Variants in MTA3 observed in about 807,000 individuals in gnomAD.
The protein encoded by MTA3 is metastasis associated 1 family member 3, also known as metastasis-associated protein MTA3.
A neutral mutation model predicts 83.5 loss-of-function variants in MTA3; 34 were observed. That is an observed-to-expected ratio of 0.41 (90% CI 0.31 to 0.54). MTA3 has a LOEUF of 0.54. Among genes scored for constraint, MTA3 ranks in the 20% least tolerant of loss-of-function variants. The pLI, the probability that MTA3 is intolerant of heterozygous loss-of-function variation, is 0.33. For synonymous variants in MTA3, 303 were observed against 252.7 expected (o/e 1.20, Z -1.89); for missense variants, 761 against 726.4 (o/e 1.05, Z -0.55).
chr2:42,600,041 A>AG (rs1682365236), intron 3 of MTA3, among the ~76,000 whole-genome samples: 2 of 10,050 alleles, frequency 2.0e-4, no homozygotes, highest in Non-Finnish European at 3.4e-4. Flanking sequence ...CTAAAAATAC[A>AG]AAAAAAATTA....
chr2:42,738,375 T>A (rs1401514612), intron 16 of MTA3, among the ~76,000 whole-genome samples: 1 of 152,244 alleles, frequency 6.6e-6, no homozygotes, highest in Non-Finnish European at 1.5e-5. Context: ...TTCTTATGCC[T>A]GTCTTTACTG....
At chr2:42,747,812 C>G (rs1453771536) in intron 16 of MTA3, among the ~76,000 whole-genome samples, 2 of 151,756 alleles carry the variant, frequency 1.3e-5, no homozygotes, top group East Asian at 3.9e-4. Flanking sequence ...ATTTGGTAAA[C>G]TATATATTAT....
At chr2:42,549,220 A>G (rs1676954987) in intron 2 of MTA3, among the ~76,000 whole-genome samples, 1 of 135,342 alleles carries the variant, frequency 7.4e-6, no homozygotes, top group South Asian at 2.1e-4. Context: ...TTATATTTGT[A>G]TATATTATAT....
At chr2:42,581,020 C>G (rs890126659) in intron 3 of MTA3, among the ~76,000 whole-genome samples, 3 of 152,174 alleles carry the variant, frequency 2.0e-5, no homozygotes, top group Admixed American at 6.5e-5. Context: ...TCGTTGCCCA[C>G]TGTGTCATCC....
chr2:42,547,575 C>T (rs1676813600), intron 2 of MTA3, among the ~76,000 whole-genome samples: 1 of 152,250 alleles, frequency 6.6e-6, no homozygotes, highest in East Asian at 1.9e-4. Context: ...AAGTGATCCG[C>T]CCGCCAAGGC....
intron 16 of MTA3, among the ~76,000 whole-genome samples, chr2:42,742,012 T>G (rs572184597): frequency 6.6e-6 from 1 of 152,196 alleles, no homozygotes; most frequent in Non-Finnish European, 1.5e-5. Flanking sequence ...AACTACATAT[T>G]CCTGCACATG....
At chr2:42,522,283 A>T (rs569838252) in intron 2 of MTA3, among the ~76,000 whole-genome samples, 1 of 152,136 alleles carries the variant, frequency 6.6e-6, no homozygotes, top group African/African-American at 2.4e-5. Context: ...AATGTGAGCT[A>T]TCTGTGTCTA....
intron 2 of MTA3, among the ~76,000 whole-genome samples, chr2:42,549,328 T>C (rs1395446535): frequency 7.9e-6 from 1 of 126,112 alleles, no homozygotes; most frequent in Non-Finnish European, 1.6e-5. Context: ...ATATATTATA[T>C]ACGTATACGT....
intron 4 of MTA3, among the ~76,000 whole-genome samples, chr2:42,613,131 C>T (rs557381948): frequency 6.6e-6 from 1 of 152,246 alleles, no homozygotes. Context: ...CAAGACACTT[C>T]TTTGTTGAAC....
intron 2 of MTA3, among the ~76,000 whole-genome samples, chr2:42,560,530 CA>C (rs1015186590): frequency 3.0e-4 from 45 of 149,830 alleles, no homozygotes; most frequent in African/African-American, 9.6e-4. Flanking sequence ...CCAGCCTGGG[CA>C]ACAGAGTGAG....
chr2:42,626,777 G>A (rs1686145310), intron 4 of MTA3, among the ~76,000 whole-genome samples: 2 of 151,728 alleles, frequency 1.3e-5, no homozygotes, highest in South Asian at 2.1e-4. Context: ...GTCTTGCTTT[G>A]TCGCCCAGGA....
chr2:42,703,494 G>C (rs958504371), intron 11 of MTA3: 3 of 152,284 alleles, frequency 2.0e-5, no homozygotes, highest in African/African-American at 7.2e-5. Flanking sequence ...GAACTGAAGA[G>C]TGGCTTTCTC....
chr2:42,658,958 C>T lies in MTA3; in HGVS notation c.603-805C>T, dbSNP rs964232502. 1.1e-4 allele frequency among the ~76,000 whole-genome samples: 16 copies of T among 147,074 alleles called. No homozygotes were observed. The South Asian group carries it at 3.4e-3, about 32-fold the overall frequency. ...AAAAAAAAAAAAAAAAATAGCTGGG[C>T]GTGGTGGTGCATGCCTATAGTTACA... On this transcript the variant is annotated intron_variant, in intron 7 of 16. Transcript: ENST00000405094.
chr2:42,755,652 G>A lies in MTA3; in HGVS notation c.*2253G>A, dbSNP rs575890278. 5.1e-6 allele frequency: 5 copies of A among 985,552 alleles called. No individual in the cohort carries two copies. The East Asian group carries it at 3.4e-4, about 67-fold the overall frequency. The allele number at this position is 985,552 out of a possible 1,614,324, so 61.1% of individuals were successfully genotyped here. A position where few individuals can be genotyped will look rare whatever the true frequency, so the allele number is the denominator to read the frequency against. On this transcript the variant is annotated 3_prime_UTR_variant, in exon 17 of 17. Coordinates refer to ENST00000405094, the MANE Select transcript of MTA3 (RefSeq NM_001330442.2). ...CCCCAGGCAATGGAGGAAGGGTGCC[G>A]AGGCGCCTCTAGTCTGTGCCTTTGC...
chr2:42,738,523 C>G (rs895185265), intron 16 of MTA3, among the ~76,000 whole-genome samples: 1 of 152,132 alleles, frequency 6.6e-6, no homozygotes, highest in African/African-American at 2.4e-5. Context: ...TGCCTCAGGA[C>G]TATGTGATAA....
In MTA3 at chr2:42,499,831, T is replaced by C. The variant is rs549978382; in HGVS notation, c.-141+4577T>C. Among the ~76,000 whole-genome samples the C allele has an allele frequency of 1.1e-3, 164 of 151,860 alleles. 2 individuals are homozygous for C. The highest frequency in any genetic ancestry group is 3.8e-3 in the African/African-American group (157 of 41,418). ...AAGAAACTTTCAGAAGTGATGGATA[T>C]GTTTATGGCATAGATTGTGATGACA... On this transcript the variant is annotated intron_variant, in intron 2 of 17. Transcript: ENST00000405592.
intron 2 of MTA3, among the ~76,000 whole-genome samples, chr2:42,505,976 G>T (rs1007614968): frequency 6.6e-6 from 1 of 151,862 alleles, no homozygotes; most frequent in Non-Finnish European, 1.5e-5. Flanking sequence ...TGTCAGCCAG[G>T]CTGGTCTCGA....
Position 42,643,041 on chromosome 2 carries a change from C to A in MTA3, c.382-1086C>A, listed in dbSNP as rs369386477. Among the ~76,000 whole-genome samples, 405 of 146,640 alleles carry A rather than the reference C, an allele frequency of 2.8e-3. 4 individuals are homozygous for A. Among genetic ancestry groups the A allele is most frequent in the Non-Finnish European group, 4.3e-3 (282 of 66,316 alleles). The stretch of plus-strand genomic sequence containing the variant: ...CTGTCACATATTGGTGTCTCCCCCC[C>A]CCCCCTTTTTTTTTTAACAGTTTTT... On this transcript the variant is annotated intron_variant, in intron 5 of 16. Coordinates refer to ENST00000405094, the MANE Select transcript of MTA3 (RefSeq NM_001330442.2).
intron 8 of MTA3, among the ~76,000 whole-genome samples, chr2:42,670,169 G>C (rs1690666169): frequency 6.6e-6 from 1 of 151,876 alleles, no homozygotes; most frequent in African/African-American, 2.4e-5. Context: ...TGAGGCAGAA[G>C]AATCGCTTGA....
Sources: gnomAD v4.1 joint callset for allele counts (sites outside exome capture counted in the v4.1 genomes callset) on GRCh38, gnomAD v4.1.1 for gene constraint, MANE v1.5 for transcripts, NCBI Gene and HGNC (gene_info 2026-07-23, HGNC 2026-07-21) for gene names.